The following CELF4 variants were observed in gnomAD, a reference collection of about 807,000 sequenced individuals.
CELF4 encodes CUGBP Elav-like family member 4.
Under a neutral mutation model 59.9 loss-of-function variants are expected in CELF4, and 18 were observed. That is an observed-to-expected ratio of 0.30 (90% CI 0.21 to 0.45). The LOEUF is 0.45. Ranked by LOEUF, CELF4 falls within the 20% of genes least tolerant of loss-of-function variation. CELF4 has a pLI of 1.00. For missense variants in CELF4, 456 were observed against 689.0 expected (o/e 0.66, Z 3.79); for synonymous variants, 261 against 267.1 (o/e 0.98, Z 0.22).
chr18:37,260,775 T>C (rs1296321985), intron 10 of CELF4, among the ~76,000 whole-genome samples: 1 of 152,176 alleles, frequency 6.6e-6, no homozygotes, highest in African/African-American at 2.4e-5. Context: ...CCCCTAAAGC[T>C]GCCCAAGGAG....
At chr18:37,314,804 G>A (rs2096806113) in intron 3 of CELF4, among the ~76,000 whole-genome samples, 1 of 152,080 alleles carries the variant, frequency 6.6e-6, no homozygotes, top group African/African-American at 2.4e-5. Flanking sequence ...CTTCTCCTGG[G>A]TTCAGTTCTC....
intron 2 of CELF4, among the ~76,000 whole-genome samples, chr18:37,362,577 G>A (rs944932866): frequency 6.6e-6 from 1 of 152,142 alleles, no homozygotes; most frequent in African/African-American, 2.4e-5. Context: ...CAGGACACAG[G>A]GAGGGTCACG....
intron 1 of CELF4, among the ~76,000 whole-genome samples, chr18:37,503,709 C>T (rs1000068345): frequency 1.3e-5 from 2 of 152,200 alleles, no homozygotes; most frequent in African/African-American, 4.8e-5. Flanking sequence ...TCAGTTTTCC[C>T]TTCCATCAAA....
chr18:37,452,761 T>C (rs1291939792), intron 2 of CELF4, among the ~76,000 whole-genome samples: 1 of 152,164 alleles, frequency 6.6e-6, no homozygotes, highest in Non-Finnish European at 1.5e-5. Flanking sequence ...CTTATCTTAA[T>C]TCATCACTCT....
chr18:37,307,377 C>A (rs1273772917), intron 3 of CELF4, among the ~76,000 whole-genome samples: 1 of 152,174 alleles, frequency 6.6e-6, no homozygotes, highest in Non-Finnish European at 1.5e-5. Flanking sequence ...CAGATGGTAG[C>A]AACTCTCCGA....
At chr18:37,551,186 C>G (rs1388064342) in intron 1 of CELF4, among the ~76,000 whole-genome samples, 1 of 152,122 alleles carries the variant, frequency 6.6e-6, no homozygotes, top group Non-Finnish European at 1.5e-5. Flanking sequence ...AGCTCTATGA[C>G]TGAGCCCAGT....
intron 1 of CELF4, among the ~76,000 whole-genome samples, chr18:37,542,709 CTTATTA>C (rs1269257029): frequency 2.0e-5 from 3 of 152,162 alleles, no homozygotes; most frequent in Non-Finnish European, 2.9e-5. Context: ...CAATTCCTCT[CTTATTA>C]TTATGATTAT....
chr18:37,441,991 A>G lies in CELF4; in HGVS notation c.369+43534T>C, dbSNP rs4799924. Reference sequence around the variant, plus strand: ...AAACCGCAAAGAACCTAGATGACACAGTGCGTCACCCAAACCGCAAAGACC... The same window carrying G: ...AAACCGCAAAGAACCTAGATGACACGGTGCGTCACCCAAACCGCAAAGACC... On this transcript the variant is annotated intron_variant, in intron 2 of 12. Coordinates refer to ENST00000420428, the MANE Select transcript of CELF4 (RefSeq NM_020180.4). Among the ~76,000 whole-genome samples, 60 of 61,880 alleles carry G rather than the reference A, an allele frequency of 9.7e-4. 2 individuals carry two copies. In the Middle Eastern group the frequency reaches 0.027, roughly 28 times the overall value. The allele number at this position is 61,880 out of a possible 152,430, so 40.6% of individuals were successfully genotyped here.
intron 2 of CELF4, among the ~76,000 whole-genome samples, chr18:37,446,407 C>T (rs2099748354): frequency 6.6e-6 from 1 of 152,028 alleles, no homozygotes; most frequent in Non-Finnish European, 1.5e-5. Flanking sequence ...TGTTGGGCTC[C>T]CTGTGTGAGG....
At chr18:37,271,254 CTTTTTT>C (rs34833771) in intron 7 of CELF4, among the ~76,000 whole-genome samples, 2 of 105,560 alleles carry the variant, frequency 1.9e-5, no homozygotes, top group East Asian at 2.7e-4. Flanking sequence ...TCCTTCAGTC[CTTTTTT>C]TTTTTTTTTT....
chr18:37,485,773 G>GTTCCCGGCTGTCTGCCTCTCGA (rs2099879973), intron 1 of CELF4, 166 bp from the exon 2 acceptor site: 1 of 395,148 alleles, frequency 2.5e-6, no homozygotes, highest in Non-Finnish European at 4.4e-6. Flanking sequence ...CTGCCTCTCG[G>GTTCCCGGCTGTCTGCCTCTCGA]TGTTCCCGGC....
At chr18:37,451,301 G>T (rs745459129) in intron 2 of CELF4, among the ~76,000 whole-genome samples, 17 of 152,158 alleles carry the variant, frequency 1.1e-4, no homozygotes, top group African/African-American at 4.1e-4. Flanking sequence ...GTGTGTGTCT[G>T]TGAGTACGAA....
chr18:37,494,330 G>C (rs2099922449), intron 1 of CELF4, among the ~76,000 whole-genome samples: 1 of 152,218 alleles, frequency 6.6e-6, no homozygotes, highest in South Asian at 2.1e-4. Context: ...TCTATGGTCA[G>C]GGCTGATGGG....
intron 1 of CELF4, among the ~76,000 whole-genome samples, chr18:37,564,300 G>A (rs2099987470): frequency 1.3e-5 from 2 of 152,092 alleles, no homozygotes; most frequent in South Asian, 2.1e-4. Context: ...AGGAAGCGGA[G>A]CACTGGGCTA....
chr18:37,395,547 C>T (rs2099233616), intron 2 of CELF4, among the ~76,000 whole-genome samples: 1 of 152,242 alleles, frequency 6.6e-6, no homozygotes, highest in Admixed American at 6.5e-5. Flanking sequence ...CAGTAGTTCT[C>T]TCTGGGATCC....
chr18:37,265,221 G>C (rs368039206), intron 9 of CELF4, among the ~76,000 whole-genome samples: 1 of 152,046 alleles, frequency 6.6e-6, no homozygotes, highest in Non-Finnish European at 1.5e-5. Context: ...GTGTGTGTAC[G>C]TGTGTGCGCG....
At chr18:37,333,391 C>T (rs1259759448) in intron 2 of CELF4, among the ~76,000 whole-genome samples, 6 of 151,846 alleles carry the variant, frequency 4.0e-5, no homozygotes, top group Non-Finnish European at 1.5e-5. Context: ...CCTCTTTCCC[C>T]TCTTCCTATT....
At chr18:37,352,736 G>A (rs924544874) in intron 2 of CELF4, among the ~76,000 whole-genome samples, 16 of 152,182 alleles carry the variant, frequency 1.1e-4, no homozygotes, top group African/African-American at 1.9e-4. Flanking sequence ...CATTGGAAGC[G>A]GGGGATGAAA....
At chr18:37,324,601 G>A (rs2097236717) in intron 2 of CELF4, among the ~76,000 whole-genome samples, 1 of 152,162 alleles carries the variant, frequency 6.6e-6, no homozygotes, top group Non-Finnish European at 1.5e-5. Flanking sequence ...AAGCCCCCTA[G>A]TTCATGAAGC....
Sources: gnomAD v4.1 joint callset for allele counts (sites outside exome capture counted in the v4.1 genomes callset) on GRCh38, gnomAD v4.1.1 for gene constraint, MANE v1.5 for transcripts, NCBI Gene and HGNC (gene_info 2026-07-23, HGNC 2026-07-21) for gene names.